Variants in C10orf143 observed in about 807,000 individuals in gnomAD.
The protein encoded by C10orf143 is chromosome 10 open reading frame 143, also known as uncharacterized protein C10orf143.
chr10:130,089,693 C>T (rs1861350001), intron 1 of C10orf143, among the ~76,000 whole-genome samples: 1 of 152,150 alleles, frequency 6.6e-6, no homozygotes, highest in Non-Finnish European at 1.5e-5. Flanking sequence ...ATGGTATTGG[C>T]ATAAGGATGA....
downstream of C10orf143, among the ~76,000 whole-genome samples, chr10:130,061,519 G>A (rs1191730807): frequency 1.3e-5 from 2 of 152,118 alleles, no homozygotes; most frequent in African/African-American, 4.8e-5. Flanking sequence ...TTAAAGGTAC[G>A]TTTTGACATT....
chr10:130,095,089 A>G (rs567476157), intron 1 of C10orf143, among the ~76,000 whole-genome samples: 2 of 149,768 alleles, frequency 1.3e-5, no homozygotes, highest in East Asian at 3.9e-4. Context: ...ATAATAGACA[A>G]ACAGAGGGCC....
chr10:130,080,749 G>T (rs1861194368), intron 1 of C10orf143, among the ~76,000 whole-genome samples: 1 of 152,148 alleles, frequency 6.6e-6, no homozygotes, highest in Non-Finnish European at 1.5e-5. Flanking sequence ...TGCAAAATGT[G>T]TTTATTATCC....
At chr10:130,107,665 G>A (rs760332394) in intron 1 of C10orf143, 17 of 1,312,720 alleles carry the variant, frequency 1.3e-5, no homozygotes, top group Admixed American at 1.2e-4. Flanking sequence ...CTCTGTTGGA[G>A]GGTCCACTCA....
chr10:130,086,785 C>T (rs1250725260), intron 1 of C10orf143, among the ~76,000 whole-genome samples: 1 of 152,192 alleles, frequency 6.6e-6, no homozygotes, highest in Non-Finnish European at 1.5e-5. Context: ...AAAAGGAAAG[C>T]AAACAGGCAT....
rs74794611 is a variant in C10orf143, at chr10:130,037,815, C to T, written c.298-1845G>A. On this transcript the variant is annotated intron_variant and NMD_transcript_variant, in intron 3 of 5. Coordinates refer to the C10orf143 transcript ENST00000643056. ...TCATGAAGTGTCCTTCTGGGGGGTCCGGATCTTCAAATATGAGGGGAAGAC... is the reference window on the plus strand; with the variant it reads ...TCATGAAGTGTCCTTCTGGGGGGTCTGGATCTTCAAATATGAGGGGAAGAC... Among the ~76,000 whole-genome samples the T allele has an allele frequency of 1.1e-4, 16 of 152,294 alleles. No homozygotes were observed. In the East Asian group the frequency reaches 2.9e-3, roughly 28 times the overall value.
At chr10:130,044,120 C>G (rs1564951770) in intron 3 of C10orf143, among the ~76,000 whole-genome samples, 1 of 152,048 alleles carries the variant, frequency 6.6e-6, no homozygotes, top group Non-Finnish European at 1.5e-5. Flanking sequence ...CTGACCAGGC[C>G]AACATGTGAA....
rs558699026 is a variant in C10orf143, at chr10:130,107,951, G to A, written c.69+2753C>T. The A allele has an allele frequency of 6.0e-6, 9 of 1,487,872 alleles. No individual in the cohort carries two copies. In the East Asian group the frequency reaches 1.6e-4, roughly 26 times the overall value. 92.2% of individuals were successfully genotyped at this position (1,487,872 alleles called of 1,614,324 possible). A position where few individuals can be genotyped will look rare whatever the true frequency, so the allele number is the denominator to read the frequency against. On this transcript the variant is annotated intron_variant, in intron 1 of 3. Coordinates refer to ENST00000637128, the MANE Select transcript of C10orf143 (RefSeq NM_001355042.2). Reference sequence around the variant, plus strand: ...TAACTCTGGTGGACTGTCTGGACCAGCAGAACTCAGAAGTTTTAATATGCC... The same window carrying A: ...TAACTCTGGTGGACTGTCTGGACCAACAGAACTCAGAAGTTTTAATATGCC...
At chr10:130,092,427 G>A (rs1861396792) in intron 1 of C10orf143, among the ~76,000 whole-genome samples, 2 of 152,098 alleles carry the variant, frequency 1.3e-5, no homozygotes, top group Admixed American at 1.3e-4. Context: ...CATTAAATAT[G>A]GAAAGGAAAA....
downstream of C10orf143, among the ~76,000 whole-genome samples, chr10:130,060,552 A>G (rs368621214): frequency 8.8e-4 from 134 of 151,534 alleles, 1 homozygote; most frequent in East Asian, 9.0e-3. Flanking sequence ...AGCCGGGCGC[A>G]GTGGCTCACG....
chr10:130,044,017 G>A (rs1215778540), intron 3 of C10orf143, among the ~76,000 whole-genome samples: 1 of 151,966 alleles, frequency 6.6e-6, no homozygotes, highest in African/African-American at 2.4e-5. Flanking sequence ...GAGAGAGAGA[G>A]AAAGAGAGAG....
At chr10:130,107,779 A>C (rs1461604543) in intron 1 of C10orf143, 3 of 1,240,464 alleles carry the variant, frequency 2.4e-6, no homozygotes, top group Non-Finnish European at 2.4e-6. Flanking sequence ...CAAGCTGTGA[A>C]AGGTTAACCG....
At chr10:130,079,418 G>A (rs1861169136) in intron 3 of C10orf143, 148 bp downstream of exon 3, 1 of 396,686 alleles carries the variant, frequency 2.5e-6, no homozygotes, top group Non-Finnish European at 4.4e-6. Flanking sequence ...AGAATGCTAA[G>A]AAAAGCTTAA....
At chr10:130,106,478 A>C (rs1474407525) in intron 1 of C10orf143, 1 of 1,602,296 alleles carries the variant, frequency 6.2e-7, no homozygotes, top group African/African-American at 1.3e-5. Context: ...TGAGCATGAA[A>C]TTCTCTGTCT....
In C10orf143 at chr10:130,043,437, CAA is replaced by C. The variant is rs140390002; in HGVS notation, c.298-7469_298-7468del. On this transcript the variant is annotated intron_variant and NMD_transcript_variant, in intron 3 of 5. Coordinates refer to the C10orf143 transcript ENST00000643056. ...ATGATTTTTACAAGATGCCCATTAC[CAA>C]GACGGGCAGGTGGGAAAAAGCCCCG... Among the ~76,000 whole-genome samples, 10 of 152,294 alleles carry C rather than the reference CAA, an allele frequency of 6.6e-5. No individual in the cohort carries two copies. The East Asian group carries it at 1.9e-3, about 29-fold the overall frequency.
chr10:130,063,683 T>C (rs766441336), downstream of C10orf143, among the ~76,000 whole-genome samples: 2 of 152,176 alleles, frequency 1.3e-5, no homozygotes, highest in Non-Finnish European at 2.9e-5. Flanking sequence ...GCAGATAACG[T>C]GATGCGGACA....
chr10:130,106,027 C>G (rs751685789), intron 1 of C10orf143: 40 of 497,750 alleles, frequency 8.0e-5, no homozygotes, highest in African/African-American at 7.1e-4. Flanking sequence ...GCGGCGACCG[C>G]CAGAGCAGCC....
intron 3 of C10orf143, among the ~76,000 whole-genome samples, chr10:130,075,986 TG>T (rs1395141102): frequency 2.8e-4 from 37 of 134,214 alleles, no homozygotes; most frequent in Non-Finnish European, 3.9e-4. Context: ...TTTGTTTGTT[TG>T]TTTGTTTTTT....
chr10:130,048,573 C>G (rs560734767), intron 3 of C10orf143, among the ~76,000 whole-genome samples: 1 of 152,174 alleles, frequency 6.6e-6, no homozygotes, highest in East Asian at 1.9e-4. Context: ...AGAATTGAGA[C>G]GTGCAGGGAC....
Sources: gnomAD v4.1 joint callset for allele counts (sites outside exome capture counted in the v4.1 genomes callset) on GRCh38, gnomAD v4.1.1 for gene constraint, MANE v1.5 for transcripts, NCBI Gene and HGNC (gene_info 2026-07-23, HGNC 2026-07-21) for gene names.